PRKAR1B: variants seen among roughly 807,000 people sequenced by gnomAD.
PRKAR1B encodes the protein cAMP-dependent protein kinase type I-beta regulatory subunit.
Under a neutral mutation model 46.5 loss-of-function variants are expected in PRKAR1B, and 22 were observed. The ratio of observed to expected loss-of-function variants is 0.47; its 90% confidence interval spans 0.34 to 0.68. PRKAR1B has a LOEUF of 0.68. Ranked by LOEUF, PRKAR1B falls within the 30% of genes least tolerant of loss-of-function variation. PRKAR1B has a pLI of 0.01. For missense variants in PRKAR1B, 445 were observed against 535.6 expected (o/e 0.83, Z 1.67); for synonymous variants, 259 against 217.7 (o/e 1.19, Z -1.67).
At chr7:649,683 C>A in intron 4 of PRKAR1B, among the ~76,000 whole-genome samples, 1 of 152,170 alleles carries the variant, frequency 6.6e-6, no homozygotes, top group East Asian at 1.9e-4. Context: ...CCAAGCGATC[C>A]TCCCATCTCA....
At chr7:725,584 C>G (rs972698473) in intron 1 of PRKAR1B, among the ~76,000 whole-genome samples, 6 of 152,228 alleles carry the variant, frequency 3.9e-5, no homozygotes, top group African/African-American at 1.4e-4. Context: ...TTAGGAGGAA[C>G]TTAGTTTATA....
intron 9 of PRKAR1B, among the ~76,000 whole-genome samples, chr7:555,419 T>C (rs1778369572): frequency 6.6e-6 from 1 of 152,186 alleles, no homozygotes. Flanking sequence ...TAGAGGCCAT[T>C]TGGAAATCGG....
intron 2 of PRKAR1B, among the ~76,000 whole-genome samples, chr7:709,779 C>T (rs1432206731): frequency 6.6e-6 from 1 of 152,036 alleles, no homozygotes; most frequent in Non-Finnish European, 1.5e-5. Flanking sequence ...GTGATCCTCC[C>T]ACCTCAGCCC....
chr7:702,654 T>C (rs190295650), intron 2 of PRKAR1B, among the ~76,000 whole-genome samples: 223 of 152,194 alleles, frequency 1.5e-3, no homozygotes, highest in African/African-American at 5.1e-3. Flanking sequence ...AAACCCTGTC[T>C]CTACTAAAAA....
intron 4 of PRKAR1B, among the ~76,000 whole-genome samples, chr7:675,332 C>T (rs1007108491): frequency 2.0e-5 from 3 of 152,222 alleles, no homozygotes; most frequent in Non-Finnish European, 2.9e-5. Flanking sequence ...CCTGCACTCA[C>T]GGGCACACGC....
At chr7:623,972 T>C (rs1783246207) in intron 4 of PRKAR1B, among the ~76,000 whole-genome samples, 1 of 152,156 alleles carries the variant, frequency 6.6e-6, no homozygotes. Flanking sequence ...TTCTTGGGCT[T>C]CCAACCAGAA....
chr7:551,053 C>G (rs939254447), intron 10 of PRKAR1B, among the ~76,000 whole-genome samples: 2 of 151,580 alleles, frequency 1.3e-5, no homozygotes, highest in African/African-American at 4.9e-5. Flanking sequence ...GGGCCTCCCT[C>G]AAGCCCACCC....
At position 648,705 on chromosome 7, in the gene PRKAR1B, C is replaced by T. The variant is rs915667392; in HGVS notation, c.440+28524G>A. Among the ~76,000 whole-genome samples, 17 of 152,224 alleles carry T rather than the reference C, an allele frequency of 1.1e-4. No individual in the cohort carries two copies. In the South Asian group the frequency reaches 2.3e-3, roughly 20 times the overall value. ...GCTGAGGCAGAAGAGTCACTTGAAC[C>T]CAGAAGGCAGAGGTTGCAGTGAGCT... On this transcript the variant is annotated intron_variant, in intron 4 of 10. Transcript: ENST00000537384.
At chr7:571,424 G>A (rs965691373) in intron 9 of PRKAR1B, among the ~76,000 whole-genome samples, 2 of 152,346 alleles carry the variant, frequency 1.3e-5, no homozygotes, top group South Asian at 2.1e-4. Context: ...TTCAGGCGTC[G>A]GCGGGGAGGA....
rs1781118568 is a variant in PRKAR1B, at chr7:593,779, C to T, written c.708+2367G>A. On this transcript the variant is annotated intron_variant, in intron 7 of 10. Coordinates refer to ENST00000537384, the MANE Select transcript of PRKAR1B (RefSeq NM_001164760.2). The surrounding 1 kb of genome is among the most constrained non-coding windows in gnomAD (Gnocchi z 6.1). ...CTCCTCCCAGGAGGCTGCACATCAT[C>T]TGTTCTGTGTACTGGAGTATCCCCA... 6.6e-6 allele frequency among the ~76,000 whole-genome samples: 1 copy of T among 152,192 alleles called. No homozygotes were observed. Among genetic ancestry groups the T allele is most frequent in the African/African-American group, 2.4e-5 (1 of 41,460 alleles).
chr7:556,608 C>G lies in PRKAR1B; in HGVS notation c.892-5138G>C, dbSNP rs144623160. On this transcript the variant is annotated intron_variant, in intron 9 of 10. Coordinates refer to ENST00000537384, the MANE Select transcript of PRKAR1B (RefSeq NM_001164760.2). ...CCCGTGAGGCAAAGGGGTCGGTCCC[C>G]GAGGCGTCCGCGTTCATCCCTCCCG... Among the ~76,000 whole-genome samples, 2,201 of 152,318 alleles carry G rather than the reference C, an allele frequency of 0.014. 89 individuals are homozygous for G. The East Asian group carries it at 0.18, about 12-fold the overall frequency.
At chr7:694,353 G>T (rs570709326) in intron 2 of PRKAR1B, among the ~76,000 whole-genome samples, 1 of 142,524 alleles carries the variant, frequency 7.0e-6, no homozygotes, top group Non-Finnish European at 1.5e-5. Flanking sequence ...TTAGACCCGG[G>T]ACCAAGACAC....
chr7:573,664 C>T (rs1779655650), intron 9 of PRKAR1B, among the ~76,000 whole-genome samples: 2 of 152,256 alleles, frequency 1.3e-5, no homozygotes, highest in Non-Finnish European at 2.9e-5. Flanking sequence ...CGGGGCCTGG[C>T]TCCCACAGCC....
At chr7:564,041 C>T (rs572654721) in intron 9 of PRKAR1B, among the ~76,000 whole-genome samples, 2 of 152,218 alleles carry the variant, frequency 1.3e-5, no homozygotes, top group African/African-American at 4.8e-5. Flanking sequence ...CCCCTCTGCC[C>T]GCTCCCCACT....
At chr7:563,931 G>C (rs1312542315) in intron 9 of PRKAR1B, among the ~76,000 whole-genome samples, 1 of 152,104 alleles carries the variant, frequency 6.6e-6, no homozygotes, top group East Asian at 1.9e-4. Context: ...ATGTGCGTTG[G>C]TGTGCATGGG....
chr7:660,683 C>T (rs1410720803), intron 4 of PRKAR1B, among the ~76,000 whole-genome samples: 1 of 133,560 alleles, frequency 7.5e-6, no homozygotes, highest in Admixed American at 7.4e-5. Context: ...TGCCACAGGT[C>T]CCCACCCCAA....
At chr7:572,129 T>A (rs1248645263) in intron 9 of PRKAR1B, among the ~76,000 whole-genome samples, 1 of 152,018 alleles carries the variant, frequency 6.6e-6, no homozygotes, top group South Asian at 2.1e-4. Flanking sequence ...GGTGCAGGCC[T>A]CACAAGGACG....
In PRKAR1B at chr7:691,724, G is replaced by A. The variant is rs1355712591; in HGVS notation, c.178-10998C>T. The A allele has an allele frequency of 4.1e-5, 51 of 1,246,528 alleles. 1 individual carries two copies. The highest frequency in any genetic ancestry group is 3.5e-4 in the Middle Eastern group (1 of 2,898). 77.2% of individuals were successfully genotyped at this position (1,246,528 alleles called of 1,614,324 possible). ...AGCAGCTCCTCGTGGACAAAACCCC[G>A]GGGAGGGGAATCCAGGGTGCTGAGG... is the stretch of plus-strand genomic sequence containing the variant. On this transcript the variant is annotated intron_variant, in intron 2 of 10. Coordinates refer to ENST00000537384, the MANE Select transcript of PRKAR1B (RefSeq NM_001164760.2).
In PRKAR1B at chr7:702,679, C is replaced by T. The variant is rs938839308; in HGVS notation, c.177+8650G>A. Among the ~76,000 whole-genome samples, 6 of 152,062 alleles carry T rather than the reference C, an allele frequency of 3.9e-5. 1 individual carries two copies. In the South Asian group the frequency reaches 6.2e-4, roughly 16 times the overall value. Reference sequence around the variant, plus strand: ...TCTACTAAAAATACAAAAAATTTGCCGGGTGTGGTGGCAGGTGCCTGTAGT... The same window carrying T: ...TCTACTAAAAATACAAAAAATTTGCTGGGTGTGGTGGCAGGTGCCTGTAGT... On this transcript the variant is annotated intron_variant, in intron 2 of 10. Transcript: ENST00000537384.
Sources: gnomAD v4.1 joint callset for allele counts (sites outside exome capture counted in the v4.1 genomes callset) on GRCh38, gnomAD v4.1.1 for gene constraint, Gnocchi (gnomAD v3.1) non-coding constraint, MANE v1.5 for transcripts, NCBI Gene and HGNC (gene_info 2026-07-23, HGNC 2026-07-21) for gene names.